Variants in HSD17B2 observed in about 807,000 individuals in gnomAD.
HSD17B2 encodes the protein 17-beta-hydroxysteroid dehydrogenase type 2.
In HSD17B2, 32 loss-of-function variants were observed where a neutral mutation model predicts 26.9. The observed-to-expected ratio is 1.19, with a 90% CI of 0.90 to 1.60. The LOEUF is 1.60. HSD17B2 is among the 40% of genes most tolerant of loss of function. The probability of loss-of-function intolerance (pLI) is 0.00; values close to 1 mark genes in which losing one functional copy is unlikely to be tolerated. For synonymous variants in HSD17B2, 246 were observed against 186.7 expected (o/e 1.32, Z -2.59); for missense variants, 613 against 468.6 (o/e 1.31, Z -2.85).
At chr16:82,037,847 T>G (rs1913661317) in intron 1 of HSD17B2, among the ~76,000 whole-genome samples, 1 of 152,216 alleles carries the variant, frequency 6.6e-6, no homozygotes, top group African/African-American at 2.4e-5. Context: ...CATAGATTCC[T>G]GGGCTGGGCA....
At chr16:82,068,697 G>C (rs1327470410) in intron 2 of HSD17B2, among the ~76,000 whole-genome samples, 1 of 152,098 alleles carries the variant, frequency 6.6e-6, no homozygotes, top group African/African-American at 2.4e-5. Context: ...ACATGCATTA[G>C]AGTCTCCAGC....
chr16:82,064,630 T>C (rs1914528358), intron 1 of HSD17B2, among the ~76,000 whole-genome samples: 1 of 152,180 alleles, frequency 6.6e-6, no homozygotes, highest in Admixed American at 6.5e-5. Flanking sequence ...GTGAAAAAGA[T>C]GTTCAGGAAA....
At chr16:82,097,994 C>A in intron 4 of HSD17B2, 81 bp from the exon 5 acceptor site, 1 of 1,407,694 alleles carries the variant, frequency 7.1e-7, no homozygotes. Flanking sequence ...AAGGGCCATC[C>A]TTCCCAACAG....
intron 3 of HSD17B2, among the ~76,000 whole-genome samples, chr16:82,086,648 G>C (rs1904535408): frequency 6.6e-6 from 1 of 152,202 alleles, no homozygotes; most frequent in African/African-American, 2.4e-5. Context: ...AGGATAGAAA[G>C]GGTGCAGTCT....
chr16:82,068,980 T>C (rs902644196), intron 2 of HSD17B2, among the ~76,000 whole-genome samples: 2 of 152,208 alleles, frequency 1.3e-5, no homozygotes, highest in Non-Finnish European at 1.5e-5. Context: ...TAGGTAAGCA[T>C]GTGCCATGGT....
rs8191202 is a variant in HSD17B2, at chr16:82,074,965, T to C, written c.664+3838T>C. Among the ~76,000 whole-genome samples the C allele has an allele frequency of 4.6e-3, 697 of 152,258 alleles. 4 individuals are homozygous for C. Among genetic ancestry groups the C allele is most frequent in the African/African-American group, 0.016 (665 of 41,536 alleles). On this transcript the variant is annotated intron_variant, in intron 3 of 4. Coordinates refer to ENST00000199936, the MANE Select transcript of HSD17B2 (RefSeq NM_002153.3). Reference sequence around the variant, plus strand: ...ATATGTTAGGCCACAAAACAAGTCTTAAAACATTTTAAAAAATGAAATAAT... The same window carrying C: ...ATATGTTAGGCCACAAAACAAGTCTCAAAACATTTTAAAAAATGAAATAAT...
chr16:82,043,352 G>C (rs1913819520), intron 1 of HSD17B2, among the ~76,000 whole-genome samples: 1 of 152,128 alleles, frequency 6.6e-6, no homozygotes, highest in South Asian at 2.1e-4. Context: ...GGGGTGAGCA[G>C]CCAAGAACAG....
chr16:82,050,778 G>C (rs1189776522), intron 1 of HSD17B2, among the ~76,000 whole-genome samples: 1 of 152,126 alleles, frequency 6.6e-6, no homozygotes. Context: ...TCTAAGACAT[G>C]ACAATTAACT....
intron 3 of HSD17B2, among the ~76,000 whole-genome samples, chr16:82,074,010 G>C (rs1051687529): frequency 6.6e-6 from 1 of 152,032 alleles, no homozygotes; most frequent in African/African-American, 2.4e-5. Context: ...AGATACAAAG[G>C]TCAATGGAAC....
intron 1 of HSD17B2, among the ~76,000 whole-genome samples, chr16:82,039,971 G>C (rs1352753619): frequency 6.6e-6 from 1 of 152,166 alleles, no homozygotes; most frequent in Non-Finnish European, 1.5e-5. Context: ...GAGGGACCTC[G>C]TTAAGAATCT....
In HSD17B2 at chr16:82,038,785, C is replaced by A. The variant is rs150611935; in HGVS notation, c.265+3096C>A. On this transcript the variant is annotated intron_variant, in intron 1 of 4. Coordinates refer to ENST00000199936, the MANE Select transcript of HSD17B2 (RefSeq NM_002153.3). ...AGATGGGCAGGGAAAAGGAAGAAGC[C>A]AGGTAAGGGTGAGACATTGAGAAGT... Among the ~76,000 whole-genome samples the A allele has an allele frequency of 6.8e-3, 1,027 of 152,094 alleles. 14 individuals are homozygous for A. Among genetic ancestry groups the A allele is most frequent in the African/African-American group, 0.024 (989 of 41,460 alleles).
At position 82,071,012 on chromosome 16, in the gene HSD17B2, T is replaced by C; in HGVS notation, c.549T>C (p.Thr183=). ...CTGATGGGGAGCTTCTTCTTATGAC[T>C]GACTACAAACAATGCATGGCCGTGA... The part of the protein sequence containing the change: ...FPTDGELLLM[T]DYKQCMAVNF... Residue 183 remains threonine (T), a synonymous_variant, in exon 3 of 5, where the codon ACT becomes ACC. Coordinates refer to ENST00000199936, the MANE Select transcript of HSD17B2 (RefSeq NM_002153.3). 6.2e-7 allele frequency: 1 copy of C among 1,614,240 alleles called. No homozygotes were observed. Among genetic ancestry groups the C allele is most frequent in the South Asian group, 1.1e-5 (1 of 91,092 alleles).
intron 3 of HSD17B2, among the ~76,000 whole-genome samples, chr16:82,073,638 C>T (rs968446109): frequency 1.3e-5 from 2 of 151,848 alleles, no homozygotes; most frequent in Non-Finnish European, 2.9e-5. Context: ...AGGAATACAG[C>T]TAACTAGGGA....
chr16:82,035,646 C>A lies in HSD17B2; in HGVS notation c.222C>A (p.Gly74=). ...SCFLMYTYLS[G]QELLPVDQKA... is the part of the protein sequence containing the mutation. ...TCCTCATGTATACTTACTTATCTGG[C>A]CAAGAATTGTTACCTGTGGATCAGA... Residue 74 remains glycine, a synonymous_variant, in exon 1 of 5, where the codon GGC becomes GGA. Coordinates refer to ENST00000199936, the MANE Select transcript of HSD17B2 (RefSeq NM_002153.3). 2 of 1,613,814 alleles carry A rather than the reference C, an allele frequency of 1.2e-6. No individual in the cohort carries two copies. Among genetic ancestry groups the A allele is most frequent in the Non-Finnish European group, 8.5e-7 (1 of 1,180,010 alleles).
chr16:82,056,076 A>C (rs1914257631), intron 1 of HSD17B2, among the ~76,000 whole-genome samples: 1 of 152,240 alleles, frequency 6.6e-6, no homozygotes, highest in East Asian at 1.9e-4. Context: ...AAGTTTGGCA[A>C]GTTGCATCTT....
At chr16:82,045,353 C>T (rs7184155) in intron 1 of HSD17B2, among the ~76,000 whole-genome samples, 15,355 of 152,090 alleles carry the variant, frequency 0.1, 2,415 homozygotes, top group African/African-American at 0.34. Context: ...TTAGACTACT[C>T]ACTAGTTCTG....
At chr16:82,053,211 A>T (rs1384910683) in intron 1 of HSD17B2, among the ~76,000 whole-genome samples, 1 of 152,194 alleles carries the variant, frequency 6.6e-6, no homozygotes, top group African/African-American at 2.4e-5. Flanking sequence ...CAAATGCAGA[A>T]GTCAACAGAA....
chr16:82,035,521 C>A lies in HSD17B2; in HGVS notation c.97C>A (p.Gln33Lys). The A allele has an allele frequency of 5.0e-6, 8 of 1,614,166 alleles. No homozygotes were observed. Among genetic ancestry groups the A allele is most frequent in the Non-Finnish European group, 6.8e-6 (8 of 1,180,034 alleles). The change falls in exon 1 of 5, where the codon CAG (glutamine) becomes AAG (lysine). Residue 33 changes from glutamine to lysine, a missense_variant. Coordinates refer to ENST00000199936, the MANE Select transcript of HSD17B2 (RefSeq NM_002153.3). ...VFCKYKKSSGQLWSWMVCLAG... is the reference protein window; with the variant it reads ...VFCKYKKSSGKLWSWMVCLAG... ...TTGCAAATACAAGAAGAGCTCAGGG[C>A]AGCTGTGGAGCTGGATGGTCTGCCT...
intron 3 of HSD17B2, among the ~76,000 whole-genome samples, chr16:82,076,800 G>A (rs754785411): frequency 6.6e-6 from 1 of 152,072 alleles, no homozygotes; most frequent in African/African-American, 2.4e-5. Flanking sequence ...GGATGGTTTC[G>A]ATCTCTTGAC....
Sources: allele counts gnomAD v4.1 joint callset (sites outside exome capture counted in the v4.1 genomes callset), GRCh38; gene constraint gnomAD v4.1.1; transcripts MANE v1.5; gene names NCBI Gene and HGNC (gene_info 2026-07-23, HGNC 2026-07-21).